The following CTNNA2 variants were observed in gnomAD, a reference collection of about 807,000 sequenced individuals.
CTNNA2 encodes catenin alpha-2.
CTNNA2 carries 42 observed loss-of-function variants against 101.0 expected under a neutral mutation model. The ratio of observed to expected loss-of-function variants is 0.42; its 90% confidence interval spans 0.32 to 0.54. CTNNA2 has a LOEUF of 0.54. Ranked by LOEUF, CTNNA2 falls within the 20% of genes least tolerant of loss-of-function variation. CTNNA2 has a pLI of 0.14. For synonymous variants in CTNNA2, 450 were observed against 456.4 expected (o/e 0.99, Z 0.18); for missense variants, 871 against 1,223.1 (o/e 0.71, Z 4.29).
chr2:79,539,343 G>A (rs1673268331), intron 1 of CTNNA2, among the ~76,000 whole-genome samples: 1 of 152,174 alleles, frequency 6.6e-6, no homozygotes, highest in Admixed American at 6.5e-5. Flanking sequence ...AAGTGTGAAA[G>A]GCCTCGAGAA....
chr2:79,545,125 C>T (rs566987472), intron 1 of CTNNA2, among the ~76,000 whole-genome samples: 1 of 152,170 alleles, frequency 6.6e-6, no homozygotes, highest in Non-Finnish European at 1.5e-5. Context: ...CTCACTCTCA[C>T]ATACTTTTTT....
upstream of CTNNA2, among the ~76,000 whole-genome samples, chr2:79,511,282 G>A (rs1240094415): frequency 6.6e-6 from 1 of 152,090 alleles, no homozygotes; most frequent in Non-Finnish European, 1.5e-5. Flanking sequence ...TACCACATCA[G>A]GGACTTGTGA....
intron 7 of CTNNA2, among the ~76,000 whole-genome samples, chr2:79,918,015 A>T (rs943756309): frequency 6.6e-6 from 1 of 152,138 alleles, no homozygotes; most frequent in Non-Finnish European, 1.5e-5. Context: ...AAGGTATGGG[A>T]TGATTATTCA....
chr2:79,436,897 C>T (rs1027605162), intron 4 of CTNNA2, among the ~76,000 whole-genome samples: 25 of 151,772 alleles, frequency 1.6e-4, no homozygotes, highest in Admixed American at 1.5e-3. Flanking sequence ...TCCCAAAGTG[C>T]TGGGATTACA....
chr2:79,565,219 G>A (rs1440092963), intron 1 of CTNNA2, among the ~76,000 whole-genome samples: 1 of 148,948 alleles, frequency 6.7e-6, no homozygotes, highest in African/African-American at 2.5e-5. Flanking sequence ...CCTTTGAAGG[G>A]TGAGAAAAAT....
intron 1 of CTNNA2, among the ~76,000 whole-genome samples, chr2:79,561,886 A>C (rs993645904): frequency 6.6e-6 from 1 of 151,512 alleles, no homozygotes; most frequent in Non-Finnish European, 1.5e-5. Context: ...GATTTGAAAA[A>C]ATTTTCTTCC....
At chr2:80,427,584 C>A (rs989361883) in intron 9 of CTNNA2, among the ~76,000 whole-genome samples, 8 of 152,196 alleles carry the variant, frequency 5.3e-5, no homozygotes, top group Admixed American at 2.6e-4. Context: ...AATCTCAATT[C>A]TTTGCTTCAT....
chr2:79,542,648 C>T (rs1673493275), intron 1 of CTNNA2, among the ~76,000 whole-genome samples: 1 of 152,128 alleles, frequency 6.6e-6, no homozygotes, highest in Admixed American at 6.6e-5. Context: ...AGATAATGCA[C>T]ATAAAGTTTA....
At chr2:80,498,601 G>T (rs1687643454) in intron 9 of CTNNA2, among the ~76,000 whole-genome samples, 2 of 152,122 alleles carry the variant, frequency 1.3e-5, no homozygotes, top group South Asian at 2.1e-4. Context: ...AGATCATCCA[G>T]TAAAAATTTC....
chr2:80,610,526 G>A (rs1473491320), intron 17 of CTNNA2, among the ~76,000 whole-genome samples: 1 of 151,260 alleles, frequency 6.6e-6, no homozygotes, highest in Non-Finnish European at 1.5e-5. Context: ...TTTTCCCTGT[G>A]TTTATACACA....
chr2:79,957,659 G>T (rs1689332755), intron 7 of CTNNA2, among the ~76,000 whole-genome samples: 1 of 152,196 alleles, frequency 6.6e-6, no homozygotes, highest in African/African-American at 2.4e-5. Context: ...TGACCTCTGT[G>T]TCAACCATTC....
At chr2:79,700,898 C>T (rs1287689702) in intron 2 of CTNNA2, among the ~76,000 whole-genome samples, 1 of 152,124 alleles carries the variant, frequency 6.6e-6, no homozygotes, top group Non-Finnish European at 1.5e-5. Flanking sequence ...TCTAGAGAAT[C>T]GTAAATGTGT....
chr2:80,358,432 G>C (rs144218369), intron 7 of CTNNA2, among the ~76,000 whole-genome samples: 4,968 of 144,678 alleles, frequency 0.034, 185 homozygotes, highest in African/African-American at 0.093. Flanking sequence ...CTCACTGCAA[G>C]CTCTGCCTCC....
intron 2 of CTNNA2, among the ~76,000 whole-genome samples, chr2:79,673,124 G>T (rs571693226): frequency 3.3e-4 from 50 of 152,244 alleles, no homozygotes; most frequent in Admixed American, 9.2e-4. Flanking sequence ...TTATTATATT[G>T]TGTTAGTTTC....
chr2:79,840,963 G>T (rs887408302), intron 3 of CTNNA2, among the ~76,000 whole-genome samples: 5 of 152,218 alleles, frequency 3.3e-5, no homozygotes, highest in African/African-American at 1.2e-4. Flanking sequence ...TAGAGACGGG[G>T]TTTCACCGTG....
At chr2:79,427,593 A>T (rs559272625) in intron 4 of CTNNA2, among the ~76,000 whole-genome samples, 2 of 150,948 alleles carry the variant, frequency 1.3e-5, no homozygotes, top group Admixed American at 6.7e-5. Flanking sequence ...TGAATCTTCC[A>T]GTCTCTAGGA....
intron 7 of CTNNA2, among the ~76,000 whole-genome samples, chr2:80,304,907 CAAAAAAAA>C (rs56174873): frequency 8.1e-5 from 6 of 73,846 alleles, no homozygotes; most frequent in South Asian, 5.3e-4. Context: ...GTCCATATTT[CAAAAAAAA>C]AAAAAAAAAA....
intron 3 of CTNNA2, among the ~76,000 whole-genome samples, chr2:79,806,589 G>C (rs183540412): frequency 5.1e-4 from 78 of 152,134 alleles, no homozygotes; most frequent in African/African-American, 1.8e-3. Context: ...AGCAAACAGA[G>C]GGTACCATGT....
At chr2:80,570,861 T>C (rs1022322006) in intron 12 of CTNNA2, among the ~76,000 whole-genome samples, 12 of 152,150 alleles carry the variant, frequency 7.9e-5, no homozygotes, top group African/African-American at 2.9e-4. Context: ...AGATAATGTA[T>C]GCCATGCTGG....
Sources: allele counts gnomAD v4.1 joint callset (sites outside exome capture counted in the v4.1 genomes callset), GRCh38; gene constraint gnomAD v4.1.1; transcripts MANE v1.5; gene names NCBI Gene and HGNC (gene_info 2026-07-23, HGNC 2026-07-21).